Variants in HSD17B12 observed in about 807,000 individuals in gnomAD.
HSD17B12 encodes hydroxysteroid 17-beta dehydrogenase 12, also known as very-long-chain 3-oxoacyl-CoA reductase.
In HSD17B12, 32 loss-of-function variants were observed where a neutral mutation model predicts 39.3. The observed-to-expected ratio is 0.81, with a 90% CI of 0.61 to 1.09. HSD17B12 has a LOEUF of 1.09. Among genes scored for constraint, HSD17B12 ranks in the 50% least tolerant of loss-of-function variants. The pLI, the probability that HSD17B12 is intolerant of heterozygous loss-of-function variation, is 0.00. For synonymous variants in HSD17B12, 150 were observed against 146.7 expected (o/e 1.02, Z -0.16); for missense variants, 342 against 382.9 (o/e 0.89, Z 0.89).
At chr11:43,705,710 T>C (rs1277490986) in intron 1 of HSD17B12, among the ~76,000 whole-genome samples, 2 of 151,408 alleles carry the variant, frequency 1.3e-5, no homozygotes, top group Admixed American at 1.3e-4. Flanking sequence ...GTTTGGGAAG[T>C]ATAAGGTTAC....
At chr11:43,784,680 G>A (rs919218279) in intron 3 of HSD17B12, among the ~76,000 whole-genome samples, 7 of 152,124 alleles carry the variant, frequency 4.6e-5, no homozygotes, top group African/African-American at 1.7e-4. Flanking sequence ...ATACGCAGGG[G>A]AGCAGCAAGC....
intron 3 of HSD17B12, among the ~76,000 whole-genome samples, chr11:43,760,568 A>T (rs765244960): frequency 6.6e-6 from 1 of 152,184 alleles, no homozygotes; most frequent in Non-Finnish European, 1.5e-5. Context: ...TATAGTGAAC[A>T]GAAGAGTAGG....
chr11:43,760,914 A>G (rs1450016606), intron 3 of HSD17B12, among the ~76,000 whole-genome samples: 1 of 152,188 alleles, frequency 6.6e-6, no homozygotes, highest in Non-Finnish European at 1.5e-5. Flanking sequence ...CGTAGAGTTT[A>G]TATGTTACAG....
At chr11:43,623,386 T>TG in the HSD17B12 span, among the ~76,000 whole-genome samples, 1 of 143,284 alleles carries the variant, frequency 7.0e-6, no homozygotes. Flanking sequence ...ATTAAAGGTT[T>TG]GTTTTTTTTG....
At chr11:43,637,449 G>A in the HSD17B12 span, among the ~76,000 whole-genome samples, 1 of 152,124 alleles carries the variant, frequency 6.6e-6, no homozygotes, top group Non-Finnish European at 1.5e-5. Flanking sequence ...TCGAACTCCT[G>A]ACCTCAGGTG....
chr11:43,699,597 ATTGT>A (rs2134804234), intron 1 of HSD17B12, among the ~76,000 whole-genome samples: 1 of 152,250 alleles, frequency 6.6e-6, no homozygotes, highest in South Asian at 2.1e-4. Flanking sequence ...TTTTTTTCAA[ATTGT>A]TTGTTAATGT....
the HSD17B12 span, among the ~76,000 whole-genome samples, chr11:43,630,808 T>TC: frequency 6.7e-6 from 1 of 149,734 alleles, no homozygotes; most frequent in African/African-American, 2.4e-5. Flanking sequence ...TTTCTTTCTT[T>TC]TTTTTTTTTT....
At chr11:43,745,179 A>G (rs1342416014) in intron 1 of HSD17B12, among the ~76,000 whole-genome samples, 1 of 152,196 alleles carries the variant, frequency 6.6e-6, no homozygotes, top group African/African-American at 2.4e-5. Flanking sequence ...GAATCTCTAG[A>G]CCTGGCATAT....
chr11:43,692,203 T>C (rs1565050495), intron 1 of HSD17B12, among the ~76,000 whole-genome samples: 1 of 152,212 alleles, frequency 6.6e-6, no homozygotes, highest in African/African-American at 2.4e-5. Context: ...GTATTTCAAT[T>C]GGGGGGTCAG....
chr11:43,854,449 G>T lies in HSD17B12; in HGVS notation c.685-266G>T, dbSNP rs1446362205. On this transcript the variant is annotated intron_variant, in intron 9 of 10. Transcript: ENST00000278353. ...ATTATTTAATGCTTTCCTTTTTAAA[G>T]GTTCAAAAAGGTAGATTTCTGCTTA... 5 of 375,134 alleles carry T rather than the reference G, an allele frequency of 1.3e-5. No homozygotes were observed. In the East Asian group the frequency reaches 2.3e-4, roughly 17 times the overall value. 23.2% of individuals were successfully genotyped at this position (375,134 alleles called of 1,614,324 possible).
intron 1 of HSD17B12, among the ~76,000 whole-genome samples, chr11:43,683,521 G>A (rs1949771334): frequency 6.6e-6 from 1 of 152,138 alleles, no homozygotes; most frequent in Non-Finnish European, 1.5e-5. Context: ...CTTCACATGA[G>A]TTGGAGGGGT....
chr11:43,845,579 G>C (rs1214290564), intron 9 of HSD17B12, among the ~76,000 whole-genome samples: 1 of 151,934 alleles, frequency 6.6e-6, no homozygotes, highest in East Asian at 1.9e-4. Context: ...CCTCATTTGG[G>C]GTTTCTTTGA....
intron 6 of HSD17B12, among the ~76,000 whole-genome samples, chr11:43,820,137 A>AGC (rs1393359901): frequency 6.6e-6 from 1 of 152,130 alleles, no homozygotes; most frequent in African/African-American, 2.4e-5. Context: ...TGCAGTGGCT[A>AGC]ACCAGCAGGT....
the HSD17B12 span, among the ~76,000 whole-genome samples, chr11:43,627,984 C>A: frequency 6.6e-6 from 1 of 151,582 alleles, no homozygotes; most frequent in African/African-American, 2.4e-5. Flanking sequence ...GGAAGTTGGA[C>A]CCCATCTCAG....
At chr11:43,834,095 C>G (rs906972498) in intron 7 of HSD17B12, 2 of 152,112 alleles carry the variant, frequency 1.3e-5, no homozygotes, top group Non-Finnish European at 2.9e-5. Context: ...TGTTTGCAAA[C>G]TTTCTTCCAC....
chr11:43,741,795 G>C (rs1490741096), intron 1 of HSD17B12, among the ~76,000 whole-genome samples: 5 of 143,930 alleles, frequency 3.5e-5, no homozygotes, highest in African/African-American at 1.3e-4. Flanking sequence ...ATGCAGTGGC[G>C]CGACCTCGGC....
chr11:43,734,103 CG>C, intron 1 of HSD17B12: 4 of 1,151,766 alleles, frequency 3.5e-6, no homozygotes, highest in Non-Finnish European at 1.3e-6. Flanking sequence ...CTATGATGAG[CG>C]TGTGCTGCCG....
chr11:43,659,594 G>T, the HSD17B12 span, among the ~76,000 whole-genome samples: 1 of 151,996 alleles, frequency 6.6e-6, no homozygotes, highest in African/African-American at 2.4e-5. Context: ...AAGCATAAAA[G>T]AAAAAAATTG....
rs201008697 is a variant in HSD17B12 at position 43,754,142 on chromosome 11, A to G, written c.283+21A>G. ...AATAAGTAAGTTCTCACATCAAACA[A>G]AAGGAATACATAGCTAATTAATGTT... is the stretch of plus-strand genomic sequence containing the variant. On this transcript the variant is annotated intron_variant, in intron 3 of 10. Coordinates refer to ENST00000278353, the MANE Select transcript of HSD17B12 (RefSeq NM_016142.3). The G allele has an allele frequency of 2.4e-5, 36 of 1,489,012 alleles. No individual in the cohort carries two copies. In the East Asian group the frequency reaches 6.6e-4, roughly 27 times the overall value. The allele number at this position is 1,489,012 out of a possible 1,614,324, so 92.2% of individuals were successfully genotyped here. A position where few individuals can be genotyped will look rare whatever the true frequency, so the allele number is the denominator to read the frequency against.
Sources: gnomAD v4.1 joint callset for allele counts (sites outside exome capture counted in the v4.1 genomes callset) on GRCh38, gnomAD v4.1.1 for gene constraint, MANE v1.5 for transcripts, NCBI Gene and HGNC (gene_info 2026-07-23, HGNC 2026-07-21) for gene names.